SEMA3D: variants seen among roughly 807,000 people sequenced by gnomAD.
SEMA3D encodes semaphorin 3D.
SEMA3D carries 84 observed loss-of-function variants against 100.1 expected under a neutral mutation model. The ratio of observed to expected loss-of-function variants is 0.84; its 90% CI spans 0.70 to 1.01. SEMA3D has a LOEUF of 1.01. Among genes scored for constraint, SEMA3D ranks in the 50% least tolerant of loss-of-function variants. The pLI, the probability that SEMA3D is intolerant of heterozygous loss-of-function variation, is 0.00. For synonymous variants in SEMA3D, 312 were observed against 320.7 expected (o/e 0.97, Z 0.29); for missense variants, 875 against 934.1 (o/e 0.94, Z 0.82).
the SEMA3D span, among the ~76,000 whole-genome samples, chr7:85,204,231 T>A: frequency 6.6e-6 from 1 of 151,974 alleles, no homozygotes; most frequent in Non-Finnish European, 1.5e-5. Flanking sequence ...TCTGCCTTAG[T>A]CATATGAGAG....
intron 3 of SEMA3D, among the ~76,000 whole-genome samples, chr7:85,118,632 A>G (rs1789316238): frequency 1.3e-5 from 2 of 152,082 alleles, no homozygotes; most frequent in African/African-American, 4.8e-5. Flanking sequence ...TGACCCTTGT[A>G]AATTTGTTTA....
chr7:85,056,784 T>C (rs1791329748), intron 8 of SEMA3D, among the ~76,000 whole-genome samples: 1 of 150,102 alleles, frequency 6.7e-6, no homozygotes, highest in South Asian at 2.1e-4. Context: ...CCGTGGTATA[T>C]ATTAGTTGAA....
At position 85,018,284 on chromosome 7, in the gene SEMA3D, T is replaced by C. The variant is rs753117003; in HGVS notation, c.1513A>G (p.Ile505Val). ...EELQIFKHSSIILNMELSLKQ... is the reference protein window; with the variant it reads ...EELQIFKHSSVILNMELSLKQ... ...AGAGACAATTCCATGTTCAAGATGA[T>C]TGATGAGTGCTGAAAATAGAAGTTA... Residue 505 changes from isoleucine (I) to valine (V), a missense_variant, in exon 15 of 19, where the codon ATC (isoleucine) becomes GTC (valine). Coordinates refer to ENST00000284136, the MANE Select transcript of SEMA3D (RefSeq NM_001384900.1). 5.0e-6 allele frequency: 8 copies of C among 1,592,014 alleles called. No homozygotes were observed. Among genetic ancestry groups the C allele is most frequent in the African/African-American group, 1.3e-5 (1 of 74,302 alleles).
At chr7:85,117,271 T>C (rs1314857222) in intron 3 of SEMA3D, among the ~76,000 whole-genome samples, 1 of 152,132 alleles carries the variant, frequency 6.6e-6, no homozygotes, top group Non-Finnish European at 1.5e-5. Context: ...ACTGCAGCTG[T>C]CGTCTGATTA....
upstream of SEMA3D, among the ~76,000 whole-genome samples, chr7:85,188,807 C>T (rs1791631328): frequency 6.6e-6 from 1 of 152,192 alleles, no homozygotes; most frequent in African/African-American, 2.4e-5. Context: ...TCAATACTTT[C>T]CATAAAGCCC....
chr7:85,117,168 G>C (rs1789266805), intron 3 of SEMA3D, among the ~76,000 whole-genome samples: 1 of 152,144 alleles, frequency 6.6e-6, no homozygotes, highest in South Asian at 2.1e-4. Context: ...TTGAGGCCCT[G>C]AGCAAGCCCA....
Position 85,142,431 on chromosome 7 carries a change from T to C in SEMA3D, c.-41+11177A>G, listed in dbSNP as rs537234000. 14 of 930,530 alleles carry C rather than the reference T, an allele frequency of 1.5e-5. No homozygotes were observed. In the East Asian group the frequency reaches 1.5e-3, roughly 101 times the overall value. 57.6% of individuals were successfully genotyped at this position (930,530 alleles called of 1,614,324 possible). A position where few individuals can be genotyped will look rare whatever the true frequency, so the allele number is the denominator to read the frequency against. Reference sequence around the variant, plus strand: ...CAATAATAAAATCTTTCTAAAGATGTCATAATTTATTTATAAAAGACACAG... The same window carrying C: ...CAATAATAAAATCTTTCTAAAGATGCCATAATTTATTTATAAAAGACACAG... On this transcript the variant is annotated intron_variant, in intron 2 of 18. Transcript: ENST00000284136.
At chr7:85,107,683 T>C (rs1788971145) in intron 3 of SEMA3D, among the ~76,000 whole-genome samples, 1 of 152,062 alleles carries the variant, frequency 6.6e-6, no homozygotes, top group Admixed American at 6.6e-5. Context: ...GCTCAACATT[T>C]CTGAATCACT....
chr7:85,157,135 A>G (rs1426088987), intron 1 of SEMA3D, among the ~76,000 whole-genome samples: 1 of 152,198 alleles, frequency 6.6e-6, no homozygotes, highest in Non-Finnish European at 1.5e-5. Context: ...TTAAAAAAAA[A>G]TAGACCTAGG....
Position 85,097,838 on chromosome 7 carries a change from G to C in SEMA3D, c.279C>G (p.Leu93=). ...LLGAKDHIFL[L]SLVDLNKNFK... is the part of the protein sequence containing the mutation. ...AATTTTTGTTTAAGTCAACCAGACTGAGTAGAAAGATGTGGTCTTTGGCTC... is the reference window on the plus strand; with the variant it reads ...AATTTTTGTTTAAGTCAACCAGACTCAGTAGAAAGATGTGGTCTTTGGCTC... The change falls in exon 4 of 19, where the codon CTC becomes CTG. Residue 93 remains leucine (L), a synonymous_variant. Coordinates refer to ENST00000284136, the MANE Select transcript of SEMA3D (RefSeq NM_001384900.1). 1 of 1,606,914 alleles carries C rather than the reference G, an allele frequency of 6.2e-7. No individual in the cohort carries two copies. Among genetic ancestry groups the C allele is most frequent in the Non-Finnish European group, 8.5e-7 (1 of 1,174,692 alleles).
chr7:85,072,692 G>T (rs1477101532), intron 6 of SEMA3D, among the ~76,000 whole-genome samples: 1 of 152,120 alleles, frequency 6.6e-6, no homozygotes, highest in Non-Finnish European at 1.5e-5. Context: ...AGGAACATGA[G>T]TTACTATATC....
chr7:85,154,577 GCA>G (rs1444725070), intron 1 of SEMA3D, among the ~76,000 whole-genome samples: 1 of 152,104 alleles, frequency 6.6e-6, no homozygotes, highest in Non-Finnish European at 1.5e-5. Context: ...AAATGCACTT[GCA>G]CAGTTTGTGA....
chr7:85,101,267 C>G (rs1280261751), intron 3 of SEMA3D, among the ~76,000 whole-genome samples: 2 of 151,920 alleles, frequency 1.3e-5, no homozygotes, highest in Non-Finnish European at 2.9e-5. Context: ...AAAGCATTCC[C>G]AGGGGTTTAT....
At chr7:85,101,298 A>T (rs1226926530) in intron 3 of SEMA3D, among the ~76,000 whole-genome samples, 4 of 152,062 alleles carry the variant, frequency 2.6e-5, no homozygotes, top group Non-Finnish European at 5.9e-5. Flanking sequence ...CTAGTAGAGT[A>T]AGTAGTTTAT....
intron 4 of SEMA3D, among the ~76,000 whole-genome samples, chr7:85,085,326 C>A (rs937078772): frequency 2.0e-5 from 3 of 152,026 alleles, no homozygotes; most frequent in Non-Finnish European, 4.4e-5. Context: ...TTATTTTTTA[C>A]TTCAAATCAT....
intron 18 of SEMA3D, among the ~76,000 whole-genome samples, chr7:85,005,195 CTT>C (rs1487517367): frequency 2.0e-5 from 3 of 152,088 alleles, no homozygotes; most frequent in South Asian, 2.1e-4. Context: ...GTTTGTGACA[CTT>C]AAGATTAAAA....
intron 11 of SEMA3D, among the ~76,000 whole-genome samples, chr7:85,040,149 TA>T (rs1328657239): frequency 1.4e-4 from 21 of 150,552 alleles, no homozygotes; most frequent in East Asian, 1.4e-3. Context: ...GCTATTTTTT[TA>T]TTTACTTTTT....
intron 1 of SEMA3D, among the ~76,000 whole-genome samples, chr7:85,168,189 C>T (rs933547878): frequency 6.6e-6 from 1 of 151,910 alleles, no homozygotes; most frequent in African/African-American, 2.4e-5. Flanking sequence ...AATGGCCCAT[C>T]TCTACCTACA....
intron 1 of SEMA3D, chr7:85,167,086 A>G (rs910554599): frequency 6.3e-6 from 1 of 159,820 alleles, no homozygotes; most frequent in African/African-American, 2.4e-5. Context: ...GGCTGGAGAA[A>G]CAGCAGATAT....
Sources: allele counts gnomAD v4.1 joint callset (sites outside exome capture counted in the v4.1 genomes callset), GRCh38; gene constraint gnomAD v4.1.1; transcripts MANE v1.5; gene names NCBI Gene and HGNC (gene_info 2026-07-23, HGNC 2026-07-21).